FREM1: variants seen among roughly 807,000 people sequenced by gnomAD.
FREM1 encodes the protein FRAS1 related extracellular matrix 1.
FREM1 carries 220 observed loss-of-function variants against 210.1 expected under a neutral mutation model. That is an observed-to-expected ratio of 1.05 (90% CI 0.94 to 1.17). FREM1 has a LOEUF of 1.17. Ranked by LOEUF, FREM1 falls within the 50% of genes most tolerant of loss-of-function variation. FREM1 has a pLI of 0.00. For missense variants in FREM1, 3,454 were observed against 2,675.5 expected, an observed-to-expected ratio of 1.29 and a Z score of -6.42; for synonymous variants, 1,189 against 980.2, an observed-to-expected ratio of 1.21 and a Z score of -3.98.
Position 14,747,683 on chromosome 9 carries a change from T to C in FREM1, c.5842A>G (p.Asn1948Asp). Reference sequence around the variant, plus strand: ...AGCAATTCTGTGACTACACTTACATTATAGATGATGTCTGTTCCATTTCTA... The same window carrying C: ...AGCAATTCTGTGACTACACTTACATCATAGATGATGTCTGTTCCATTTCTA... ...VYRNGTDIIY[N>D]YHGIVSLKLE... The change falls in exon 32 of 37, where the codon AAT (asparagine) becomes GAT (aspartate). Residue 1948 changes from asparagine (N) to aspartate (D), a missense_variant and splice_region_variant. By Grantham distance (23) the Asn-to-Asp change is conservative. Coordinates refer to ENST00000380880, the MANE Select transcript of FREM1 (RefSeq NM_001379081.2). The C allele has an allele frequency of 1.3e-6, 2 of 1,527,730 alleles. No homozygotes were observed. The highest frequency in any genetic ancestry group is 1.8e-6 in the Non-Finnish European group (2 of 1,130,816). The allele number at this position is 1,527,730 out of a possible 1,614,324, so 94.6% of individuals were successfully genotyped here.
chr9:14,759,339 G>A (rs1419467425), intron 28 of FREM1, among the ~76,000 whole-genome samples: 4 of 151,740 alleles, frequency 2.6e-5, no homozygotes, highest in African/African-American at 4.8e-5. Context: ...GTGAAACCCC[G>A]TCTCCACTAA....
At chr9:14,885,455 T>C (rs1189455364) in intron 1 of FREM1, among the ~76,000 whole-genome samples, 1 of 152,224 alleles carries the variant, frequency 6.6e-6, no homozygotes, top group African/African-American at 2.4e-5. Flanking sequence ...GGTTTCACCC[T>C]GTCGCCCAGG....
At position 14,765,120 on chromosome 9, in the gene FREM1, G is replaced by A. The variant is rs183100622; in HGVS notation, c.5204+4604C>T. On this transcript the variant is annotated intron_variant, in intron 27 of 36. Transcript: ENST00000380880. Reference sequence around the variant, plus strand: ...TAACTATATCTTCATTTATAATCAAGTAGCATGTGACAAGAATTCCTGAAA... The same window carrying A: ...TAACTATATCTTCATTTATAATCAAATAGCATGTGACAAGAATTCCTGAAA... Among the ~76,000 whole-genome samples the A allele has an allele frequency of 1.8e-3, 269 of 152,260 alleles. 1 individual carries two copies. Among genetic ancestry groups the A allele is most frequent in the Non-Finnish European group, 2.9e-3 (195 of 68,022 alleles).
intron 29 of FREM1, among the ~76,000 whole-genome samples, chr9:14,753,182 G>A (rs1843690852): frequency 6.6e-6 from 1 of 152,196 alleles, no homozygotes; most frequent in African/African-American, 2.4e-5. Context: ...AAAACAAAAG[G>A]TGCTGAAGAG....
intron 4 of FREM1, 61 bp downstream of exon 4, chr9:14,859,122 C>T: frequency 7.5e-7 from 1 of 1,325,656 alleles, no homozygotes; most frequent in East Asian, 2.3e-5. Flanking sequence ...GGAAGGTGAG[C>T]ATGCATGGAT....
At chr9:14,884,554 C>G (rs946126350) in intron 1 of FREM1, among the ~76,000 whole-genome samples, 1 of 152,104 alleles carries the variant, frequency 6.6e-6, no homozygotes, top group African/African-American at 2.4e-5. Flanking sequence ...ATTTTTTGAA[C>G]AGAAGAAAAT....
chr9:14,808,999 C>T (rs1485592436), intron 16 of FREM1, among the ~76,000 whole-genome samples: 1 of 152,200 alleles, frequency 6.6e-6, no homozygotes, highest in Non-Finnish European at 1.5e-5. Flanking sequence ...TGTTCCCCCG[C>T]TCAAATCTCA....
intron 35 of FREM1, among the ~76,000 whole-genome samples, chr9:14,740,761 G>T (rs1429240953): frequency 6.6e-6 from 1 of 152,066 alleles, no homozygotes; most frequent in Non-Finnish European, 1.5e-5. Flanking sequence ...AGCCCCAACT[G>T]TCAAACCTTC....
intron 1 of FREM1, among the ~76,000 whole-genome samples, chr9:14,903,870 C>T (rs1056522569): frequency 1.3e-5 from 2 of 152,008 alleles, no homozygotes; most frequent in Admixed American, 1.3e-4. Context: ...GCCTGTAATC[C>T]CAGCACTTTG....
rs1435642037 is a variant in FREM1 at position 14,809,319 on chromosome 9, CA to C, written c.2894-1186del. Among the ~76,000 whole-genome samples the C allele has an allele frequency of 2.0e-5, 3 of 152,298 alleles. No homozygotes were observed. In the East Asian group the frequency reaches 5.8e-4, roughly 29 times the overall value. On this transcript the variant is annotated intron_variant, in intron 16 of 36. Transcript: ENST00000380880. ...CCAATTTCGGGTATGTCTTTATCAGCAGCCTCAAAATGGACTAATACAGGGA... is the reference window on the plus strand; with the variant it reads ...CCAATTTCGGGTATGTCTTTATCAGCGCCTCAAAATGGACTAATACAGGGA...
intron 1 of FREM1, among the ~76,000 whole-genome samples, chr9:14,885,981 C>G (rs1011270741): frequency 1.3e-5 from 2 of 152,168 alleles, no homozygotes; most frequent in Admixed American, 1.3e-4. Flanking sequence ...CTTTGATCAG[C>G]ACCTCCCCAG....
chr9:14,860,602 C>CACATGTAT lies in FREM1; in HGVS notation c.330-1119_330-1118insATACATGT, dbSNP rs1588425860. On this transcript the variant is annotated intron_variant, in intron 3 of 36. Coordinates refer to ENST00000380880, the MANE Select transcript of FREM1 (RefSeq NM_001379081.2). ...ATATACACATATATATACATATATA[C>CACATGTAT]ACATATATACACACATATATATACA... is the stretch of plus-strand genomic sequence containing the variant. 1.2e-4 allele frequency among the ~76,000 whole-genome samples: 12 copies of CACATGTAT among 99,706 alleles called. No homozygotes were observed. In the East Asian group the frequency reaches 6.6e-3, roughly 55 times the overall value. The allele number at this position is 99,706 out of a possible 152,430, so 65.4% of individuals were successfully genotyped here.
At position 14,869,149 on chromosome 9, in the gene FREM1, G is replaced by A; in HGVS notation, c.-172C>T. The A allele has an allele frequency of 1.8e-6, 1 of 544,254 alleles. No homozygotes were observed. Among genetic ancestry groups the A allele is most frequent in the Non-Finnish European group, 3.3e-6 (1 of 307,152 alleles). The allele number at this position is 544,254 out of a possible 1,614,324, so 33.7% of individuals were successfully genotyped here. On this transcript the variant is annotated 5_prime_UTR_variant, in exon 2 of 37. Coordinates refer to ENST00000380880, the MANE Select transcript of FREM1 (RefSeq NM_001379081.2). ...CTTTCATTTCAAAGTCAGACAAGGGGGCCTTTCAGGCAATCCCAGGGCTTT... is the reference window on the plus strand; with the variant it reads ...CTTTCATTTCAAAGTCAGACAAGGGAGCCTTTCAGGCAATCCCAGGGCTTT...
chr9:14,889,352 C>T (rs1836373293), intron 1 of FREM1, among the ~76,000 whole-genome samples: 1 of 152,246 alleles, frequency 6.6e-6, no homozygotes, highest in Non-Finnish European at 1.5e-5. Context: ...GTATCTGACA[C>T]TGTTTTAATT....
At chr9:14,897,855 A>G (rs1344320757) in intron 1 of FREM1, among the ~76,000 whole-genome samples, 1 of 152,136 alleles carries the variant, frequency 6.6e-6, no homozygotes, top group East Asian at 1.9e-4. Flanking sequence ...TAGCCTCCCA[A>G]AGTGCTGGGA....
At chr9:14,835,697 T>C (rs900939999) in intron 10 of FREM1, among the ~76,000 whole-genome samples, 2 of 152,242 alleles carry the variant, frequency 1.3e-5, no homozygotes, top group Admixed American at 1.3e-4. Context: ...TGAAATTCCT[T>C]GTGAAACAGC....
intron 27 of FREM1, among the ~76,000 whole-genome samples, chr9:14,768,936 T>C (rs543881444): frequency 6.6e-6 from 1 of 152,022 alleles, no homozygotes; most frequent in East Asian, 1.9e-4. Context: ...TCTGGGAGGG[T>C]ATCAAAAACA....
intron 35 of FREM1, among the ~76,000 whole-genome samples, chr9:14,745,103 G>T (rs906129946): frequency 1.3e-5 from 2 of 152,062 alleles, no homozygotes; most frequent in African/African-American, 4.8e-5. Flanking sequence ...ACGCACAGTG[G>T]GGTCTATTGG....
intron 1 of FREM1, among the ~76,000 whole-genome samples, chr9:14,871,499 GTTGT>G (rs1014815303): frequency 1.7e-4 from 26 of 152,202 alleles, no homozygotes; most frequent in Middle Eastern, 3.4e-3. Context: ...TTTTGATGGG[GTTGT>G]TTGTTTTTTT....
Sources: allele counts gnomAD v4.1 joint callset (sites outside exome capture counted in the v4.1 genomes callset), GRCh38; gene constraint gnomAD v4.1.1; transcripts MANE v1.5; gene names NCBI Gene and HGNC (gene_info 2026-07-23, HGNC 2026-07-21).